KDM4B: variants seen among roughly 807,000 people sequenced by gnomAD.
KDM4B encodes lysine demethylase 4B.
KDM4B carries 32 observed loss-of-function variants against 125.2 expected under a neutral mutation model. The observed-to-expected ratio is 0.26, with a 90% CI of 0.19 to 0.34. The LOEUF (loss-of-function observed/expected upper bound fraction) is 0.34. Ranked by LOEUF, KDM4B falls within the 10% of genes least tolerant of loss-of-function variation. The pLI is 1.00. For synonymous variants in KDM4B, 721 were observed against 677.9 expected, an observed-to-expected ratio of 1.06 and a Z score of -0.99; for missense variants, 1,190 against 1,577.7, an observed-to-expected ratio of 0.75 and a Z score of 4.16.
Position 4,987,386 on chromosome 19 carries a change from T to C in KDM4B, c.-109+18156T>C, listed in dbSNP as rs116195995. Among the ~76,000 whole-genome samples, 403 of 152,266 alleles carry C rather than the reference T, an allele frequency of 2.6e-3. 2 individuals carry two copies. The highest frequency in any genetic ancestry group is 9.1e-3 in the African/African-American group (380 of 41,546). On this transcript the variant is annotated intron_variant, in intron 1 of 22. Coordinates refer to ENST00000159111, the MANE Select transcript of KDM4B (RefSeq NM_015015.3). ...TAGGGTGAAGGGGCTTATCACAAGC[T>C]TGGAACGTTTCTGTGTGTGGAGAAG...
intron 8 of KDM4B, among the ~76,000 whole-genome samples, chr19:5,079,904 A>T (rs1201736904): frequency 6.6e-6 from 1 of 151,952 alleles, no homozygotes; most frequent in African/African-American, 2.4e-5. Flanking sequence ...CCAAACCTTA[A>T]TTTTATTTGC....
At chr19:5,037,850 C>T (rs2036678961) in intron 3 of KDM4B, among the ~76,000 whole-genome samples, 1 of 152,252 alleles carries the variant, frequency 6.6e-6, no homozygotes. Context: ...GCTGCGGCTG[C>T]TGCTGCTGTT....
intron 10 of KDM4B, chr19:5,119,228 CT>C: frequency 1.3e-6 from 2 of 1,509,884 alleles, no homozygotes; most frequent in Non-Finnish European, 1.8e-6. Context: ...TCGTAAGTGT[CT>C]TTTTCGTTCC....
At chr19:4,993,464 T>A (rs1251869699) in intron 1 of KDM4B, among the ~76,000 whole-genome samples, 1 of 152,150 alleles carries the variant, frequency 6.6e-6, no homozygotes, top group African/African-American at 2.4e-5. Flanking sequence ...ATTGTTGAAT[T>A]ACTTCTCCTT....
chr19:5,072,776 T>G (rs1225879041), intron 7 of KDM4B, among the ~76,000 whole-genome samples: 2 of 152,232 alleles, frequency 1.3e-5, no homozygotes, highest in African/African-American at 4.8e-5. Flanking sequence ...AAAATGCATG[T>G]TAAGGGGCTA....
intron 9 of KDM4B, among the ~76,000 whole-genome samples, chr19:5,084,422 T>C: frequency 7.3e-6 from 1 of 136,664 alleles, no homozygotes; most frequent in South Asian, 2.4e-4. Context: ...ACATAATTTA[T>C]ATATATAAAT....
chr19:5,035,902 C>CGT lies in KDM4B; in HGVS notation c.141+2872_141+2873insTG, dbSNP rs2036611404. On this transcript the variant is annotated intron_variant, in intron 3 of 22. Coordinates refer to ENST00000159111, the MANE Select transcript of KDM4B (RefSeq NM_015015.3). This position sits in a 1 kb window ranked among gnomAD's most constrained non-coding sequence, Gnocchi z 5.3. ...GTGTGCGCGCGCGCGCGCGCCTGCG[C>CGT]GCACAGGAGACTGAGGTGGGGAGGC... 6.7e-6 allele frequency among the ~76,000 whole-genome samples: 1 copy of CGT among 148,892 alleles called. No individual in the cohort carries two copies. Among genetic ancestry groups the CGT allele is most frequent in the Non-Finnish European group, 1.5e-5 (1 of 67,630 alleles).
chr19:5,086,659 C>A (rs899182401), intron 9 of KDM4B, among the ~76,000 whole-genome samples: 2 of 152,252 alleles, frequency 1.3e-5, no homozygotes, highest in African/African-American at 2.4e-5. Context: ...CCCCCCAGCC[C>A]CCAGGGCCTC....
chr19:5,090,066 C>T (rs746663043), intron 9 of KDM4B, among the ~76,000 whole-genome samples: 8 of 152,180 alleles, frequency 5.3e-5, no homozygotes, highest in Non-Finnish European at 1.2e-4. Flanking sequence ...GCCTGGCCCC[C>T]TTCCTCCCTG....
At chr19:4,986,938 T>C (rs1260730868) in intron 1 of KDM4B, among the ~76,000 whole-genome samples, 1 of 152,022 alleles carries the variant, frequency 6.6e-6, no homozygotes, top group African/African-American at 2.4e-5. Flanking sequence ...GGTTTATGCC[T>C]TTTTTTATTT....
chr19:5,151,455 G>A lies in KDM4B; in HGVS notation c.3235G>A (p.Val1079Met), dbSNP rs560435453. The change falls in exon 23 of 23, where the codon GTG becomes ATG. Residue 1079 changes from valine (V) to methionine (M), a missense_variant. Transcript: ENST00000159111. The part of the protein sequence containing the change: ...TEDSGRSQDY[V>M]AFVESLLQVQ... Reference sequence around the variant, plus strand: ...GGACTCCGGGCGGAGCCAGGACTACGTGGCCTTCGTGGAGAGCCTCCTGCA... The same window carrying A: ...GGACTCCGGGCGGAGCCAGGACTACATGGCCTTCGTGGAGAGCCTCCTGCA... 5 of 1,529,568 alleles carry A rather than the reference G, an allele frequency of 3.3e-6. 1 individual carries two copies. Among genetic ancestry groups the A allele is most frequent in the Admixed American group, 4.0e-5 (2 of 50,236 alleles). 94.7% of individuals were successfully genotyped at this position (1,529,568 alleles called of 1,614,324 possible). A position where few individuals can be genotyped will look rare whatever the true frequency, so the allele number is the denominator to read the frequency against.
At position 5,078,982 on chromosome 19, in the gene KDM4B, C is replaced by T. The variant is rs2038208405; in HGVS notation, c.780+1512C>T. On this transcript the variant is annotated intron_variant, in intron 8 of 22. Transcript: ENST00000159111. This position sits in a 1 kb window ranked among gnomAD's most constrained non-coding sequence, Gnocchi z 4.5. ...GGACCGTCCTTCAGCCTCTCAGACG[C>T]CATGGGCTTGAGATGAACGTCCCTT... The T allele has an allele frequency of 6.6e-6, 1 of 152,232 alleles. No homozygotes were observed. Among genetic ancestry groups the T allele is most frequent in the South Asian group, 2.1e-4 (1 of 4,832 alleles). The allele number at this position is 152,232 out of a possible 1,614,324, so 9.4% of individuals were successfully genotyped here.
chr19:5,081,167 A>G lies in KDM4B; in HGVS notation c.781-1200A>G, dbSNP rs1392234803. On this transcript the variant is annotated intron_variant, in intron 8 of 22. Transcript: ENST00000159111. This position sits in a 1 kb window ranked among gnomAD's most constrained non-coding sequence, Gnocchi z 4.2. ...GCGTTTTACTGGATGTTAAATAAAG[A>G]TGAGGAGCCCACTTGACTTCAAGGA... Among the ~76,000 whole-genome samples, 1 of 152,178 alleles carries G rather than the reference A, an allele frequency of 6.6e-6. No individual in the cohort carries two copies. Among genetic ancestry groups the G allele is most frequent in the African/African-American group, 2.4e-5 (1 of 41,436 alleles).
intron 6 of KDM4B, among the ~76,000 whole-genome samples, chr19:5,058,407 G>C (rs945675400): frequency 4.6e-5 from 7 of 152,340 alleles, no homozygotes; most frequent in African/African-American, 1.7e-4. Context: ...GGGGCTCTGA[G>C]GACTGAGGGA....
intron 6 of KDM4B, among the ~76,000 whole-genome samples, chr19:5,048,317 CATGT>C (rs1340326637): frequency 1.3e-5 from 2 of 152,222 alleles, no homozygotes; most frequent in African/African-American, 2.4e-5. Flanking sequence ...TGTGCGCGCG[CATGT>C]GAGTGCGCAC....
rs745471822 is a variant in KDM4B at position 5,131,406 on chromosome 19, A to G, written c.1646A>G (p.Gln549Arg). 6.8e-6 allele frequency: 11 copies of G among 1,611,518 alleles called. No individual in the cohort carries two copies. In the South Asian group the frequency reaches 1.2e-4, roughly 18 times the overall value. ...AFNQEHVSCQ[Q>R]AFEHFAQKGP... The stretch of plus-strand genomic sequence containing the variant: ...AACCAGGAGCACGTGTCCTGCCAGC[A>G]GGCCTTTGAGCACTTTGCCCAGAAG... The change falls in exon 12 of 23, where the codon CAG (glutamine) becomes CGG (arginine). Residue 549 changes from glutamine to arginine, a missense_variant. Transcript: ENST00000159111.
chr19:5,064,165 A>G (rs986762037), intron 6 of KDM4B, among the ~76,000 whole-genome samples: 7 of 152,046 alleles, frequency 4.6e-5, no homozygotes, highest in African/African-American at 1.7e-4. Flanking sequence ...CGGGGGCGCC[A>G]CTGGCGTTTG....
At chr19:5,128,393 C>A (rs760288077) in intron 11 of KDM4B, among the ~76,000 whole-genome samples, 1 of 151,972 alleles carries the variant, frequency 6.6e-6, no homozygotes, top group Admixed American at 6.5e-5. Context: ...CAGCCCCTGC[C>A]CTTGAAGTTG....
chr19:4,990,418 T>G (rs1407834586), intron 1 of KDM4B, among the ~76,000 whole-genome samples: 2 of 152,182 alleles, frequency 1.3e-5, no homozygotes, highest in Non-Finnish European at 2.9e-5. Flanking sequence ...CAGTGCAGGT[T>G]TCTGTACTGG....
Sources: allele counts gnomAD v4.1 joint callset (sites outside exome capture counted in the v4.1 genomes callset), GRCh38; gene constraint gnomAD v4.1.1; non-coding constraint Gnocchi (gnomAD v3.1); transcripts MANE v1.5; gene names NCBI Gene and HGNC (gene_info 2026-07-23, HGNC 2026-07-21).